ARSG: variants seen among roughly 807,000 people sequenced by gnomAD.
The protein encoded by ARSG is arylsulfatase G, also known as ASG.
A neutral mutation model predicts 50.5 loss-of-function variants in ARSG; 37 were observed. That is an observed-to-expected ratio of 0.73 (90% CI 0.56 to 0.96). The LOEUF is 0.96. Ranked by LOEUF, ARSG falls within the 50% of genes least tolerant of loss-of-function variation. ARSG has a pLI of 0.00. For missense variants in ARSG, 629 were observed against 675.3 expected, an observed-to-expected ratio of 0.93 and a Z score of 0.76; for synonymous variants, 225 against 254.6, an observed-to-expected ratio of 0.88 and a Z score of 1.11.
chr17:68,422,295 C>T (rs1033383113), downstream of ARSG: 12 of 162,110 alleles, frequency 7.4e-5, no homozygotes, highest in East Asian at 3.3e-4. Flanking sequence ...GGCATGGTGG[C>T]GCTCACCTGT....
At position 68,378,673 on chromosome 17, in the gene ARSG, C is replaced by T. The variant is rs1229241270; in HGVS notation, c.983-6391C>T. On this transcript the variant is annotated intron_variant, in intron 8 of 11. Coordinates refer to ENST00000621439, the MANE Select transcript of ARSG (RefSeq NM_001267727.2). This position sits in a 1 kb window ranked among gnomAD's most constrained non-coding sequence, Gnocchi z 4.4. ...TCCCTTCTCCATGCCAGATCTGTTT[C>T]CTACCCAGGACAGAACCAACACCTT... Among the ~76,000 whole-genome samples, 1 of 152,218 alleles carries T rather than the reference C, an allele frequency of 6.6e-6. No homozygotes were observed.
intron 1 of ARSG, chr17:68,285,463 G>C (rs1170134467): frequency 6.6e-6 from 1 of 152,296 alleles, no homozygotes; most frequent in Non-Finnish European, 1.5e-5. Context: ...CTTAGGTCAG[G>C]TTTCGAGATC....
At chr17:68,430,262 G>A in the ARSG span, 2 of 1,197,974 alleles carry the variant, frequency 1.7e-6, no homozygotes, top group East Asian at 2.4e-5. Flanking sequence ...CCCCGCAGCA[G>A]GGAGAGACTG....
the ARSG span, chr17:68,433,654 A>C: frequency 8.3e-7 from 1 of 1,200,204 alleles, no homozygotes; most frequent in Non-Finnish European, 1.2e-6. Flanking sequence ...TCAGCTTTAT[A>C]AGAAAATCAG....
At chr17:68,375,541 G>C (rs571699568) in intron 8 of ARSG, among the ~76,000 whole-genome samples, 2 of 152,284 alleles carry the variant, frequency 1.3e-5, no homozygotes, top group Non-Finnish European at 2.9e-5. Context: ...GCTACATATA[G>C]CTATTTAAAT....
intron 5 of ARSG, among the ~76,000 whole-genome samples, chr17:68,352,522 T>A (rs542729541): frequency 6.6e-6 from 1 of 150,910 alleles, no homozygotes; most frequent in Non-Finnish European, 1.5e-5. Flanking sequence ...CTTTTTTTTT[T>A]TTTTTGAGAT....
chr17:68,443,135 G>C, the ARSG span, among the ~76,000 whole-genome samples: 2 of 152,006 alleles, frequency 1.3e-5, no homozygotes, highest in African/African-American at 4.8e-5. Context: ...TTTTGAGACA[G>C]AGTCTCGATC....
the ARSG span, among the ~76,000 whole-genome samples, chr17:68,444,066 A>G: frequency 1.3e-4 from 20 of 152,350 alleles, no homozygotes; most frequent in African/African-American, 4.3e-4. Flanking sequence ...CATATTCTTT[A>G]TGGTTCAGAT....
chr17:68,336,169 G>A (rs1304808722), intron 2 of ARSG, among the ~76,000 whole-genome samples: 2 of 151,740 alleles, frequency 1.3e-5, no homozygotes, highest in Admixed American at 1.3e-4. Flanking sequence ...AAAGTGCTGG[G>A]ATTACAGGTG....
upstream of ARSG, among the ~76,000 whole-genome samples, chr17:68,286,587 C>A (rs782412184): frequency 5.9e-5 from 9 of 152,166 alleles, no homozygotes; most frequent in Non-Finnish European, 7.3e-5. Context: ...TCACTGCAAC[C>A]TTAGCCTCCC....
intron 1 of ARSG, chr17:68,285,629 C>A (rs1020545929): frequency 1.3e-5 from 2 of 152,090 alleles, no homozygotes; most frequent in Admixed American, 1.3e-4. Context: ...GAGATTGTGC[C>A]GCTGCGCTCC....
chr17:68,429,296 G>C, the ARSG span, among the ~76,000 whole-genome samples: 3 of 152,296 alleles, frequency 2.0e-5, no homozygotes, highest in South Asian at 2.1e-4. Context: ...TGGAGGATTG[G>C]CTTACTGTCT....
At chr17:68,391,359 C>A (rs2080983651) in intron 9 of ARSG, among the ~76,000 whole-genome samples, 1 of 152,156 alleles carries the variant, frequency 6.6e-6, no homozygotes, top group South Asian at 2.1e-4. Context: ...TGGCCTGAGT[C>A]ACTGGACATG....
the ARSG span, chr17:68,450,933 G>A: frequency 1.6e-5 from 26 of 1,587,256 alleles, no homozygotes; most frequent in South Asian, 2.0e-4. Flanking sequence ...TACATGGATT[G>A]ATCACTTCCA....
Position 68,303,104 on chromosome 17 carries a change from T to G in ARSG, c.-551-3839T>G, listed in dbSNP as rs116626529. Among the ~76,000 whole-genome samples, 648 of 152,294 alleles carry G rather than the reference T, an allele frequency of 4.3e-3. 4 individuals carry two copies. The highest frequency in any genetic ancestry group is 0.015 in the African/African-American group (612 of 41,560). On this transcript the variant is annotated intron_variant, in intron 1 of 11. Coordinates refer to ENST00000621439, the MANE Select transcript of ARSG (RefSeq NM_001267727.2). ...CTAGGGGCTAGATGCAATCAAATGC[T>G]TGGCTTATATAGCTGTATGTTTGGA... is the stretch of plus-strand genomic sequence containing the variant.
At chr17:68,291,819 C>T (rs901395094) in intron 1 of ARSG, among the ~76,000 whole-genome samples, 24 of 151,774 alleles carry the variant, frequency 1.6e-4, no homozygotes, top group Non-Finnish European at 3.5e-4. Flanking sequence ...CTTCCCGGCG[C>T]GCCCACCGCC....
chr17:68,365,045 C>A (rs2079478115), intron 6 of ARSG, among the ~76,000 whole-genome samples: 1 of 152,234 alleles, frequency 6.6e-6, no homozygotes, highest in African/African-American at 2.4e-5. Flanking sequence ...CGCAGTGGCT[C>A]ATGCCTGTAA....
chr17:68,442,991 C>G, the ARSG span, among the ~76,000 whole-genome samples: 1 of 152,210 alleles, frequency 6.6e-6, no homozygotes, highest in Non-Finnish European at 1.5e-5. Context: ...AAAAACTTAC[C>G]ACCCACAGCT....
chr17:68,323,343 ATTAAC>A (rs1191218737), intron 2 of ARSG, among the ~76,000 whole-genome samples: 7 of 152,130 alleles, frequency 4.6e-5, no homozygotes, highest in African/African-American at 1.7e-4. Flanking sequence ...AAGGACTCAA[ATTAAC>A]TTGACTTTAC....
Sources: allele counts gnomAD v4.1 joint callset (sites outside exome capture counted in the v4.1 genomes callset), GRCh38; gene constraint gnomAD v4.1.1; non-coding constraint Gnocchi (gnomAD v3.1); transcripts MANE v1.5; gene names NCBI Gene and HGNC (gene_info 2026-07-23, HGNC 2026-07-21).